Variants in ROBO2 observed in about 807,000 individuals in gnomAD.
ROBO2 encodes the protein roundabout guidance receptor 2.
ROBO2 carries 53 observed loss-of-function variants against 160.8 expected under a neutral mutation model. The observed-to-expected ratio is 0.33, with a 90% CI of 0.26 to 0.41. The LOEUF (loss-of-function observed/expected upper bound fraction) is 0.41, where lower values mean the gene tolerates loss of function less well. Ranked by LOEUF, ROBO2 falls within the 10% of genes least tolerant of loss-of-function variation. The pLI, the probability that ROBO2 is intolerant of heterozygous loss-of-function variation, is 1.00. For synonymous variants in ROBO2, 664 were observed against 611.7 expected (o/e 1.09, Z -1.26); for missense variants, 1,577 against 1,722.4 (o/e 0.92, Z 1.49).
intron 22 of ROBO2, among the ~76,000 whole-genome samples, chr3:77,619,282 A>T (rs2094849392): frequency 6.6e-6 from 1 of 152,206 alleles, no homozygotes; most frequent in Non-Finnish European, 1.5e-5. Context: ...TCCCCAAGAC[A>T]ACCTATATTT....
intron 2 of ROBO2, among the ~76,000 whole-genome samples, chr3:76,742,676 C>T (rs748186418): frequency 6.6e-6 from 1 of 151,952 alleles, no homozygotes; most frequent in Non-Finnish European, 1.5e-5. Flanking sequence ...TTAGTGTTAT[C>T]TTGGTTTTAG....
intron 2 of ROBO2, among the ~76,000 whole-genome samples, chr3:76,812,830 G>A (rs978636243): frequency 6.7e-6 from 1 of 149,050 alleles, no homozygotes; most frequent in Admixed American, 6.7e-5. Context: ...TCTCACAAGT[G>A]TTATTAATGG....
At chr3:75,971,002 A>G (rs1305539629) in intron 2 of ROBO2, among the ~76,000 whole-genome samples, 1 of 151,330 alleles carries the variant, frequency 6.6e-6, no homozygotes, top group Non-Finnish European at 1.5e-5. Flanking sequence ...AAATTTTCAC[A>G]ATAAATTCAA....
At chr3:76,792,740 CA>C (rs1273850027) in intron 2 of ROBO2, among the ~76,000 whole-genome samples, 2 of 151,402 alleles carry the variant, frequency 1.3e-5, no homozygotes, top group Non-Finnish European at 3.0e-5. Context: ...ACAACAACAA[CA>C]AAAAAATCCT....
intron 2 of ROBO2, among the ~76,000 whole-genome samples, chr3:76,987,968 C>T (rs1407606607): frequency 2.0e-5 from 3 of 152,152 alleles, no homozygotes; most frequent in Middle Eastern, 3.4e-3. Flanking sequence ...GATCATTTGT[C>T]ATGATATATG....
intron 2 of ROBO2, among the ~76,000 whole-genome samples, chr3:76,793,367 G>A (rs1020510814): frequency 6.6e-6 from 1 of 151,780 alleles, no homozygotes; most frequent in African/African-American, 2.4e-5. Flanking sequence ...TGCTAATAGG[G>A]GGAACCTGAA....
intron 2 of ROBO2, among the ~76,000 whole-genome samples, chr3:77,147,891 C>T (rs942089866): frequency 3.3e-5 from 5 of 152,160 alleles, no homozygotes; most frequent in South Asian, 2.1e-4. Flanking sequence ...ACATCCACTC[C>T]GAAAAGTTAT....
chr3:77,373,910 GCCTGT>G (rs2072211572), intron 2 of ROBO2, among the ~76,000 whole-genome samples: 1 of 150,444 alleles, frequency 6.6e-6, no homozygotes, highest in Non-Finnish European at 1.5e-5. Flanking sequence ...GATGGCTCGT[GCCTGT>G]AATCCTAGCA....
At chr3:77,055,019 A>G (rs1035725607) in intron 1 of ROBO2, among the ~76,000 whole-genome samples, 2 of 151,618 alleles carry the variant, frequency 1.3e-5, no homozygotes, top group Non-Finnish European at 2.9e-5. Flanking sequence ...AAGTCCCTAC[A>G]TGTTAATTGT....
chr3:76,235,710 G>A (rs1704901766), intron 2 of ROBO2, among the ~76,000 whole-genome samples: 1 of 152,194 alleles, frequency 6.6e-6, no homozygotes, highest in Admixed American at 6.5e-5. Flanking sequence ...TTTGCTTAGA[G>A]AGAAAAGTTC....
At chr3:76,920,257 A>C (rs1387294604) in intron 2 of ROBO2, among the ~76,000 whole-genome samples, 1 of 152,192 alleles carries the variant, frequency 6.6e-6, no homozygotes, top group Non-Finnish European at 1.5e-5. Flanking sequence ...ATTAATTAGA[A>C]AGTGACAAAA....
chr3:76,945,786 A>T (rs1349952167), intron 2 of ROBO2, among the ~76,000 whole-genome samples: 2 of 152,170 alleles, frequency 1.3e-5, no homozygotes, highest in African/African-American at 2.4e-5. Flanking sequence ...CTTCTTGTTT[A>T]TATCTGTCAT....
chr3:77,320,777 T>A (rs1012374168), intron 2 of ROBO2, among the ~76,000 whole-genome samples: 6 of 152,194 alleles, frequency 3.9e-5, no homozygotes, highest in Non-Finnish European at 8.8e-5. Flanking sequence ...ACTTGTAGAC[T>A]ACAAGCGATT....
intron 2 of ROBO2, among the ~76,000 whole-genome samples, chr3:76,280,160 A>G (rs1485182744): frequency 6.6e-6 from 1 of 151,970 alleles, no homozygotes; most frequent in East Asian, 1.9e-4. Context: ...GTTAAAGCGA[A>G]TAGTCTTGAT....
chr3:77,514,410 C>A (rs1288990793), intron 5 of ROBO2, among the ~76,000 whole-genome samples: 2 of 151,698 alleles, frequency 1.3e-5, no homozygotes, highest in Non-Finnish European at 3.0e-5. Flanking sequence ...TGAAACTGAA[C>A]ACAAAGTCGG....
intron 2 of ROBO2, among the ~76,000 whole-genome samples, chr3:77,348,310 C>T (rs1298627963): frequency 6.6e-6 from 1 of 152,110 alleles, no homozygotes; most frequent in East Asian, 1.9e-4. Context: ...GTGGATTATT[C>T]ATCCTCCCCT....
chr3:76,623,753 G>T (rs969302232), intron 2 of ROBO2, among the ~76,000 whole-genome samples: 1 of 152,082 alleles, frequency 6.6e-6, no homozygotes, highest in African/African-American at 2.4e-5. Flanking sequence ...CTTTTAAAGT[G>T]CATTTTTAGT....
chr3:76,555,365 A>G (rs1018685802), intron 2 of ROBO2, among the ~76,000 whole-genome samples: 2 of 39,158 alleles, frequency 5.1e-5, no homozygotes, highest in African/African-American at 1.0e-4. Flanking sequence ...AGAGAGAAGA[A>G]GAAGAAGAAG....
chr3:76,321,134 A>G (rs919847972), intron 2 of ROBO2, among the ~76,000 whole-genome samples: 4 of 152,188 alleles, frequency 2.6e-5, no homozygotes, highest in East Asian at 1.9e-4. Flanking sequence ...TAAATTATGC[A>G]TCTCCAGTTC....
Sources: gnomAD v4.1 joint callset for allele counts (sites outside exome capture counted in the v4.1 genomes callset) on GRCh38, gnomAD v4.1.1 for gene constraint, MANE v1.5 for transcripts, NCBI Gene and HGNC (gene_info 2026-07-23, HGNC 2026-07-21) for gene names.